The following SLC2A13 variants were observed in gnomAD, a reference collection of about 807,000 sequenced individuals.
SLC2A13 encodes solute carrier family 2 member 13, also known as proton myo-inositol cotransporter.
SLC2A13 carries 32 observed loss-of-function variants against 64.4 expected under a neutral mutation model. The ratio of observed to expected loss-of-function variants is 0.50; its 90% CI spans 0.37 to 0.67. The LOEUF is 0.67. Among genes scored for constraint, SLC2A13 ranks in the 30% least tolerant of loss-of-function variants. The probability of loss-of-function intolerance (pLI) is 0.00; values close to 1 mark genes in which losing one functional copy is unlikely to be tolerated. For missense variants in SLC2A13, 743 were observed against 829.2 expected (o/e 0.90, Z 1.28); for synonymous variants, 338 against 327.1 (o/e 1.03, Z -0.36).
At position 40,075,193 on chromosome 12, in the gene SLC2A13, T is replaced by G. The variant is rs926733091; in HGVS notation, c.557-26983A>C. On this transcript the variant is annotated intron_variant, in intron 1 of 9. Coordinates refer to ENST00000280871, the MANE Select transcript of SLC2A13 (RefSeq NM_052885.4). ...CTGGTAGAGCAGCAAGAGGTGAAAT[T>G]CATAAGAGTGGAAGACCCCTCCACC... Among the ~76,000 whole-genome samples, 4 of 152,292 alleles carry G rather than the reference T, an allele frequency of 2.6e-5. No homozygotes were observed. In the East Asian group the frequency reaches 7.7e-4, roughly 29 times the overall value.
intron 4 of SLC2A13, among the ~76,000 whole-genome samples, chr12:39,896,217 T>C (rs1288528248): frequency 6.8e-6 from 1 of 147,968 alleles, no homozygotes; most frequent in Non-Finnish European, 1.5e-5. Flanking sequence ...TGTATATACG[T>C]ATACATATAT....
intron 7 of SLC2A13, among the ~76,000 whole-genome samples, chr12:39,809,204 T>A (rs985616496): frequency 2.6e-5 from 4 of 152,190 alleles, no homozygotes; most frequent in African/African-American, 7.2e-5. Flanking sequence ...TTGGTTTTTT[T>A]ATTGAAAATC....
chr12:39,776,270 C>CACAGTCACT (rs5797634), intron 7 of SLC2A13, among the ~76,000 whole-genome samples: 147,855 of 152,134 alleles, frequency 0.97, 71,849 homozygotes, highest in East Asian at 1. Context: ...ATTTATACTA[C>CACAGTCACT]ACACTGCTTC....
At chr12:39,770,432 T>G (rs1592119759) in intron 7 of SLC2A13, among the ~76,000 whole-genome samples, 1 of 152,168 alleles carries the variant, frequency 6.6e-6, no homozygotes, top group Non-Finnish European at 1.5e-5. Flanking sequence ...ATAGCCATAT[T>G]CATTCAAAAG....
At chr12:39,993,247 T>G (rs1333454548) in intron 3 of SLC2A13, among the ~76,000 whole-genome samples, 1 of 152,254 alleles carries the variant, frequency 6.6e-6, no homozygotes. Context: ...GAAATATTAC[T>G]GATAAAAATT....
chr12:39,864,613 C>T, intron 6 of SLC2A13, 149 bp downstream of exon 6: 1 of 1,085,226 alleles, frequency 9.2e-7, no homozygotes, highest in Non-Finnish European at 1.3e-6. Flanking sequence ...AGGGGCCCCT[C>T]TCTACCACCT....
chr12:39,815,844 G>C (rs1025605005), intron 7 of SLC2A13, among the ~76,000 whole-genome samples: 1 of 152,150 alleles, frequency 6.6e-6, no homozygotes, highest in Non-Finnish European at 1.5e-5. Flanking sequence ...TTCTATAAAA[G>C]AGATCCAATT....
chr12:39,914,171 G>A (rs10877772), intron 4 of SLC2A13, among the ~76,000 whole-genome samples: 66,328 of 151,776 alleles, frequency 0.44, 14,995 homozygotes, highest in East Asian at 0.76. Flanking sequence ...CTGCATGTCC[G>A]AGGCTGTGTG....
intron 6 of SLC2A13, among the ~76,000 whole-genome samples, chr12:39,851,028 T>C (rs1943452893): frequency 6.6e-6 from 1 of 151,952 alleles, no homozygotes. Context: ...GCCTCCTGAG[T>C]AGCTGGGATT....
At chr12:39,857,747 C>T (rs1943645225) in intron 6 of SLC2A13, among the ~76,000 whole-genome samples, 1 of 152,162 alleles carries the variant, frequency 6.6e-6, no homozygotes, top group African/African-American at 2.4e-5. Flanking sequence ...GGCCTGCTAT[C>T]CAGTTTATTT....
At chr12:40,098,523 AAAAC>A (rs1272198939) in intron 1 of SLC2A13, among the ~76,000 whole-genome samples, 2 of 152,252 alleles carry the variant, frequency 1.3e-5, no homozygotes, top group Admixed American at 6.5e-5. Flanking sequence ...AATCTATACT[AAAAC>A]AAACAAAAGT....
intron 5 of SLC2A13, among the ~76,000 whole-genome samples, chr12:39,866,833 A>AAGC (rs1943924784): frequency 4.6e-5 from 7 of 152,230 alleles, no homozygotes; most frequent in Admixed American, 1.3e-4. Flanking sequence ...TTATTATTAC[A>AAGC]AGCAGCAGCA....
chr12:40,099,107 C>G lies in SLC2A13; in HGVS notation c.556+6146G>C, dbSNP rs11564123. ...GCCTAACTAGAAAGCATGTAGTACT[C>G]TCAACTTGAGTTTAGAAGTACCCGT... On this transcript the variant is annotated intron_variant, in intron 1 of 9. Coordinates refer to ENST00000280871, the MANE Select transcript of SLC2A13 (RefSeq NM_052885.4). 1.2e-3 allele frequency among the ~76,000 whole-genome samples: 188 copies of G among 152,320 alleles called. 1 individual carries two copies. Among genetic ancestry groups the G allele is most frequent in the East Asian group, 0.012 (61 of 5,188 alleles).
At chr12:40,047,947 A>G in intron 2 of SLC2A13, 104 bp downstream of exon 2, 1 of 1,071,094 alleles carries the variant, frequency 9.3e-7, no homozygotes, top group Admixed American at 2.8e-5. Context: ...ATTAGCAATA[A>G]TGATTCAAAA....
rs373671479 is a variant in SLC2A13, at chr12:40,048,220, C to T, written c.557-10G>A. On this transcript the variant is annotated splice_polypyrimidine_tract_variant and intron_variant, in intron 1 of 9. Transcript: ENST00000280871. ...GTCATAGAAGCAATGCCTATAAAAA[C>T]AATGAAAAGTAAATGTGAGACATTT... 5 of 1,585,272 alleles carry T rather than the reference C, an allele frequency of 3.2e-6. No homozygotes were observed. The highest frequency in any genetic ancestry group is 3.4e-6 in the Non-Finnish European group (4 of 1,171,048).
At chr12:40,065,034 A>T (rs1260826897) in intron 1 of SLC2A13, among the ~76,000 whole-genome samples, 1 of 152,204 alleles carries the variant, frequency 6.6e-6, no homozygotes, top group Non-Finnish European at 1.5e-5. Context: ...TACTGTATAT[A>T]CTGATACCAG....
chr12:40,046,629 C>T (rs552416216), intron 2 of SLC2A13, among the ~76,000 whole-genome samples: 44 of 151,246 alleles, frequency 2.9e-4, no homozygotes, highest in African/African-American at 1.0e-3. Context: ...TCTTCATCTA[C>T]TGAGTAGAAA....
At chr12:40,015,231 C>G (rs981531701) in intron 3 of SLC2A13, among the ~76,000 whole-genome samples, 26 of 151,752 alleles carry the variant, frequency 1.7e-4, no homozygotes, top group African/African-American at 6.3e-4. Flanking sequence ...CACTTAGTAG[C>G]CAAGGAGACC....
intron 6 of SLC2A13, among the ~76,000 whole-genome samples, chr12:39,848,028 T>G (rs2135888141): frequency 6.6e-6 from 1 of 152,136 alleles, no homozygotes; most frequent in East Asian, 1.9e-4. Flanking sequence ...CAGTAATGTG[T>G]GCCAAATGAA....
Sources: allele counts gnomAD v4.1 joint callset (sites outside exome capture counted in the v4.1 genomes callset), GRCh38; gene constraint gnomAD v4.1.1; transcripts MANE v1.5; gene names NCBI Gene and HGNC (gene_info 2026-07-23, HGNC 2026-07-21).